PTPN3: variants seen among roughly 807,000 people sequenced by gnomAD.
The protein encoded by PTPN3 is protein tyrosine phosphatase non-receptor type 3.
Under a neutral mutation model 132.7 loss-of-function variants are expected in PTPN3, and 96 were observed. The ratio of observed to expected loss-of-function variants is 0.72; its 90% CI spans 0.61 to 0.86. The LOEUF (loss-of-function observed/expected upper bound fraction) is 0.86, where lower values mean the gene tolerates loss of function less well. Among genes scored for constraint, PTPN3 ranks in the 40% least tolerant of loss-of-function variants. The pLI, the probability that PTPN3 is intolerant of heterozygous loss-of-function variation, is 0.00. For synonymous variants in PTPN3, 398 were observed against 429.0 expected (o/e 0.93, Z 0.89); for missense variants, 1,125 against 1,159.6 (o/e 0.97, Z 0.43).
At chr9:109,403,162 T>C (rs905602180) in intron 19 of PTPN3, among the ~76,000 whole-genome samples, 12 of 152,252 alleles carry the variant, frequency 7.9e-5, no homozygotes, top group Admixed American at 2.0e-4. Context: ...TTGTGGATTT[T>C]TGCTTTCTAC....
At chr9:109,501,030 C>G (rs1168714127), upstream of PTPN3, among the ~76,000 whole-genome samples, 1 of 151,500 alleles carries the variant, frequency 6.6e-6, no homozygotes, top group Admixed American at 6.6e-5. Flanking sequence ...ATTAACTAGT[C>G]ATTTTTTTGG....
At chr9:109,532,864 G>GGCT in the PTPN3 span, 7 of 930,842 alleles carry the variant, frequency 7.5e-6, 1 homozygote, top group Admixed American at 8.8e-5. Context: ...CTCGGGAGCG[G>GGCT]ACTAATTCTC....
At chr9:109,449,169 C>G (rs909890521) in intron 5 of PTPN3, 1 of 1,146,332 alleles carries the variant, frequency 8.7e-7, no homozygotes, top group African/African-American at 1.6e-5. Flanking sequence ...ACTATGGGTT[C>G]CGCTGTCAGT....
intron 8 of PTPN3, among the ~76,000 whole-genome samples, chr9:109,437,807 C>T (rs1051922012): frequency 3.3e-5 from 5 of 152,180 alleles, no homozygotes; most frequent in African/African-American, 1.2e-4. Context: ...TACCTTGGTA[C>T]AGTCCATTGG....
rs1402209632 is a variant in PTPN3, at chr9:109,410,219, G to A, written c.1500+10C>T. On this transcript the variant is annotated intron_variant, in intron 15 of 25. Transcript: ENST00000374541. ...GTGTGTGGATCACCCGGCTGCCTGCGCTCGCTCACCTTGTCACAGTAGTAC... is the reference window on the plus strand; with the variant it reads ...GTGTGTGGATCACCCGGCTGCCTGCACTCGCTCACCTTGTCACAGTAGTAC... The A allele has an allele frequency of 1.9e-6, 3 of 1,612,394 alleles. No individual in the cohort carries two copies. The highest frequency in any genetic ancestry group is 2.2e-5 in the East Asian group (1 of 44,838).
intron 1 of PTPN3, among the ~76,000 whole-genome samples, chr9:109,467,725 C>T (rs1170486862): frequency 6.6e-6 from 1 of 152,200 alleles, no homozygotes; most frequent in Non-Finnish European, 1.5e-5. Flanking sequence ...TTCCAGACTT[C>T]ACCTGAGCAG....
chr9:109,488,923 C>A (rs903877745), intron 1 of PTPN3, among the ~76,000 whole-genome samples: 18 of 152,284 alleles, frequency 1.2e-4, no homozygotes, highest in Admixed American at 1.0e-3. Context: ...CCCAATGCCA[C>A]CTGCTTCCCT....
chr9:109,469,259 C>G (rs1381047077), intron 1 of PTPN3, among the ~76,000 whole-genome samples: 10 of 152,150 alleles, frequency 6.6e-5, no homozygotes, highest in Admixed American at 6.5e-4. Context: ...GCCAATGAAC[C>G]ATAGACACAA....
intron 19 of PTPN3, among the ~76,000 whole-genome samples, chr9:109,400,331 A>G (rs576552694): frequency 1.3e-5 from 2 of 152,324 alleles, no homozygotes; most frequent in African/African-American, 4.8e-5. Context: ...CACTTTGACC[A>G]CATACCAGAC....
intron 14 of PTPN3, among the ~76,000 whole-genome samples, chr9:109,413,232 G>A (rs767575665): frequency 6.6e-6 from 1 of 152,082 alleles, no homozygotes; most frequent in Non-Finnish European, 1.5e-5. Flanking sequence ...GGGATTACAG[G>A]CATGAGCCAC....
chr9:109,454,009 G>A (rs1221066079), intron 5 of PTPN3, among the ~76,000 whole-genome samples: 2 of 151,936 alleles, frequency 1.3e-5, no homozygotes, highest in African/African-American at 4.8e-5. Flanking sequence ...GAGAGACTCC[G>A]TCTCAAAACA....
intron 9 of PTPN3, among the ~76,000 whole-genome samples, chr9:109,434,756 C>T (rs995739236): frequency 6.6e-5 from 10 of 152,106 alleles, no homozygotes; most frequent in African/African-American, 2.2e-4. Context: ...GAACCCACCT[C>T]GAAGCGTTTT....
intron 19 of PTPN3, among the ~76,000 whole-genome samples, chr9:109,397,007 A>T (rs1840660327): frequency 6.6e-6 from 1 of 152,146 alleles, no homozygotes; most frequent in Non-Finnish European, 1.5e-5. Flanking sequence ...CAACTCTATG[A>T]ACAGAAAAAG....
intron 18 of PTPN3, among the ~76,000 whole-genome samples, chr9:109,405,839 G>A (rs945766221): frequency 6.6e-6 from 1 of 152,158 alleles, no homozygotes; most frequent in Admixed American, 6.5e-5. Flanking sequence ...ACCCACCTTG[G>A]CCTTCCAAAG....
rs536550850 is a variant in PTPN3 at position 109,427,121 on chromosome 9, G to C, written c.830C>G (p.Ala277Gly). The C allele has an allele frequency of 6.2e-7, 1 of 1,613,752 alleles. No homozygotes were observed. The highest frequency in any genetic ancestry group is 2.2e-5 in the East Asian group (1 of 44,872). Residue 277 changes from alanine to glycine, a missense_variant and splice_region_variant, in exon 12 of 26, where the codon GCT becomes GGT. Ala to Gly is a moderately conservative substitution (Grantham distance 60). Transcript: ENST00000374541. ...GGCCACAATATGTTCCCTGGATTCA[G>C]CCTGGGAGGAAAAACAGTCAAGATT... ...KFFIHQRQKQ[A>G]ESREHIVAFN...
the PTPN3 span, among the ~76,000 whole-genome samples, chr9:109,519,227 G>A: frequency 1.1e-4 from 16 of 152,174 alleles, no homozygotes; most frequent in African/African-American, 2.7e-4. Context: ...TACAACTTTC[G>A]ACTTTACAGT....
intron 1 of PTPN3, among the ~76,000 whole-genome samples, chr9:109,481,770 G>A (rs1055030445): frequency 6.6e-5 from 10 of 152,192 alleles, no homozygotes; most frequent in Non-Finnish European, 2.9e-5. Flanking sequence ...ATAAAATTGG[G>A]AACCCCATAC....
intron 6 of PTPN3, among the ~76,000 whole-genome samples, chr9:109,446,472 TC>T (rs1050843719): frequency 1.3e-5 from 2 of 152,014 alleles, no homozygotes; most frequent in Non-Finnish European, 2.9e-5. Flanking sequence ...GCAAATAATC[TC>T]CCCAAGGTTA....
At chr9:109,534,171 C>T in the PTPN3 span, 2 of 933,242 alleles carry the variant, frequency 2.1e-6, no homozygotes, top group East Asian at 2.4e-5. Context: ...TTGCGATGAC[C>T]TTCTTGTCCC....
Sources: gnomAD v4.1 joint callset for allele counts (sites outside exome capture counted in the v4.1 genomes callset) on GRCh38, gnomAD v4.1.1 for gene constraint, MANE v1.5 for transcripts, NCBI Gene and HGNC (gene_info 2026-07-23, HGNC 2026-07-21) for gene names.